Variants in LYST observed in about 807,000 individuals in gnomAD.
LYST encodes lysosomal trafficking regulator.
Under a neutral mutation model 413.6 loss-of-function variants are expected in LYST, and 192 were observed. The ratio of observed to expected loss-of-function variants is 0.46; its 90% CI spans 0.41 to 0.52. The LOEUF (loss-of-function observed/expected upper bound fraction) is 0.52. Among genes scored for constraint, LYST ranks in the 20% least tolerant of loss-of-function variants. The probability of loss-of-function intolerance (pLI) is 0.00; values close to 1 mark genes in which losing one functional copy is unlikely to be tolerated. For missense variants in LYST, 3,815 were observed against 4,499.9 expected, an observed-to-expected ratio of 0.85 and a Z score of 4.35; for synonymous variants, 1,525 against 1,567.3, an observed-to-expected ratio of 0.97 and a Z score of 0.64.
rs1384474107 is a variant in LYST, at chr1:235,664,199, G to C, written c.11196-144C>G. 6 of 737,320 alleles carry C rather than the reference G, an allele frequency of 8.1e-6. No homozygotes were observed. The highest frequency in any genetic ancestry group is 1.4e-5 in the Non-Finnish European group (6 of 426,754). The allele number at this position is 737,320 out of a possible 1,614,324, so 45.7% of individuals were successfully genotyped here. ...TAGTTCCCTCTAGGGAGTTTGCAGG[G>C]GGTAGATGTGGGAATAAGAGAACTT... is the stretch of plus-strand genomic sequence containing the variant. On this transcript the variant is annotated intron_variant, in intron 51 of 52. Coordinates refer to ENST00000389793, the MANE Select transcript of LYST (RefSeq NM_000081.4). This position sits in a 1 kb window ranked among gnomAD's most constrained non-coding sequence, Gnocchi z 4.5.
intron 39 of LYST, 58 bp downstream of exon 39, chr1:235,723,970 G>A: frequency 7.1e-7 from 1 of 1,399,926 alleles, no homozygotes; most frequent in Non-Finnish European, 1.0e-6. Context: ...TATGAGTATA[G>A]TTACAGTGGC....
rs2102859098 is a variant in LYST, at chr1:235,805,775, G to A, written c.3361C>T (p.Gln1121Ter). 1 of 1,613,304 alleles carries A rather than the reference G, an allele frequency of 6.2e-7. No individual in the cohort carries two copies. The highest frequency in any genetic ancestry group is 1.3e-5 in the African/African-American group (1 of 74,866). Residue 1121 changes from glutamine (Q) to a stop codon, truncating the protein, a stop_gained, in exon 6 of 53, where the codon CAA becomes TAA. Transcript: ENST00000389793. LOFTEE classifies it high-confidence loss of function. The part of the protein sequence containing the change: ...AICLHGARTS[Q>*]QKMELELPNQ... ...GGTAACTCCAATTCCATCTTCTGTT[G>A]ACTAGTTCTGGCACCATGAAGACAA...
rs368669708 is a variant in LYST at position 235,746,537 on chromosome 1, T to G, written c.7781-10A>C. On this transcript the variant is annotated splice_polypyrimidine_tract_variant and intron_variant, in intron 28 of 52. Transcript: ENST00000389793. ...GGAAATTTTCGAGGACCTTTAAAAG[T>G]ATATAAATTAAAACATCAAATCCCA... The G allele has an allele frequency of 6.3e-7, 1 of 1,598,072 alleles. No homozygotes were observed. Among genetic ancestry groups the G allele is most frequent in the Non-Finnish European group, 8.6e-7 (1 of 1,167,286 alleles).
Position 235,724,016 on chromosome 1 carries a change from G to T in LYST, c.9315+12C>A, listed in dbSNP as rs1010947586. On this transcript the variant is annotated intron_variant, in intron 39 of 52. Coordinates refer to ENST00000389793, the MANE Select transcript of LYST (RefSeq NM_000081.4). ...TTAAACAATATATATCAATTAATAA[G>T]GGTGAATTTACCTTGGTGTTATCAA... The T allele has an allele frequency of 6.2e-7, 1 of 1,609,170 alleles. No individual in the cohort carries two copies. The highest frequency in any genetic ancestry group is 1.7e-5 in the Admixed American group (1 of 60,004).
At chr1:235,705,030 T>C (rs1490138192) in intron 44 of LYST, among the ~76,000 whole-genome samples, 1 of 152,260 alleles carries the variant, frequency 6.6e-6, no homozygotes, top group Admixed American at 6.5e-5. Context: ...TTATTTGTGC[T>C]TAATTGTGTT....
At position 235,806,074 on chromosome 1, in the gene LYST, T is replaced by C. The variant is rs551792897; in HGVS notation, c.3062A>G (p.Asn1021Ser). Residue 1021 changes from asparagine to serine, a missense_variant, in exon 6 of 53, where the codon AAC becomes AGC. Asn to Ser is a conservative substitution (Grantham distance 46). This residue lies in a region of LYST where 1,648 missense variants were observed against 1,810.3 expected (regional missense o/e 0.91). Transcript: ENST00000389793. ...KKEGDTSVNE[N>S]QDLNRISQPK... ...TTGAGAAATTCTGTTTAAATCCTGG[T>C]TTTCATTTACACTTGTATCTCCCTC... 146 of 1,613,796 alleles carry C rather than the reference T, an allele frequency of 9.0e-5. 1 individual carries two copies. In the South Asian group the frequency reaches 1.6e-3, roughly 17 times the overall value.
At chr1:235,707,619 T>C (rs1025281958) in intron 44 of LYST, among the ~76,000 whole-genome samples, 2 of 152,092 alleles carry the variant, frequency 1.3e-5, no homozygotes, top group Non-Finnish European at 2.9e-5. Flanking sequence ...CAAGGCTCCA[T>C]CTCAAAAATA....
At position 235,746,361 on chromosome 1, in the gene LYST, T is replaced by G; in HGVS notation, c.7947A>C (p.Leu2649Phe). Reference sequence around the variant, plus strand: ...CTTGATAAATAATCCTGTTGACTGCTAAAACAGTGAGCCTCTGTAGTCTCT... The same window carrying G: ...CTTGATAAATAATCCTGTTGACTGCGAAAACAGTGAGCCTCTGTAGTCTCT... ...LAQRLQRLTV[L>F]AVNRIIYQEF... The change falls in exon 29 of 53, where the codon TTA becomes TTC. Residue 2649 changes from leucine to phenylalanine, a missense_variant. By Grantham distance (22) the Leu-to-Phe change is conservative. Around this residue, in one of 4 missense-constraint regions of LYST, gnomAD observed 771 missense variants for 837.1 expected, o/e 0.92. Coordinates refer to ENST00000389793, the MANE Select transcript of LYST (RefSeq NM_000081.4). The G allele has an allele frequency of 6.2e-7, 1 of 1,613,908 alleles. No individual in the cohort carries two copies.
intron 10 of LYST, among the ~76,000 whole-genome samples, chr1:235,797,615 G>A (rs1004039081): frequency 5.3e-5 from 8 of 151,960 alleles, no homozygotes; most frequent in South Asian, 2.1e-4. Context: ...ACCTAACACC[G>A]TATACAAAAT....
intron 31 of LYST, chr1:235,738,469 A>C: frequency 6.2e-7 from 1 of 1,612,518 alleles, no homozygotes; most frequent in Non-Finnish European, 8.5e-7. Context: ...CCCAAAAACC[A>C]TGTTATTGGA....
At chr1:235,839,108 A>G (rs538026960) in intron 1 of LYST, among the ~76,000 whole-genome samples, 2 of 152,244 alleles carry the variant, frequency 1.3e-5, no homozygotes, top group African/African-American at 2.4e-5. Flanking sequence ...TACAGGCGTG[A>G]GCCACTGCAC....
chr1:235,805,942 A>G lies in LYST; in HGVS notation c.3194T>C (p.Leu1065Ser). The G allele has an allele frequency of 6.2e-7, 1 of 1,613,928 alleles. No individual in the cohort carries two copies. Among genetic ancestry groups the G allele is most frequent in the Non-Finnish European group, 8.5e-7 (1 of 1,179,844 alleles). ...LKKSADSLGK[L>S]ELQHISSINV... ...TATGGAAGAAATATGCTGTAACTCT[A>G]ATTTACCTAAACTGTCAGCACTCTT... The change falls in exon 6 of 53, where the codon TTA becomes TCA. Residue 1065 changes from leucine to serine, a missense_variant. Leu to Ser is a moderately radical substitution (Grantham distance 145, BLOSUM62 -2). This residue lies in a region of LYST where 1,648 missense variants were observed against 1,810.3 expected (regional missense o/e 0.91). Coordinates refer to ENST00000389793, the MANE Select transcript of LYST (RefSeq NM_000081.4).
chr1:235,819,813 T>A (rs2102944330), intron 3 of LYST, among the ~76,000 whole-genome samples: 1 of 152,198 alleles, frequency 6.6e-6, no homozygotes, highest in East Asian at 1.9e-4. Flanking sequence ...GCCCAGCTAA[T>A]CTTTTCGTAA....
chr1:235,773,691 T>TTGTA, intron 19 of LYST, 151 bp downstream of exon 19: 1 of 662,018 alleles, frequency 1.5e-6, no homozygotes, highest in Non-Finnish European at 2.7e-6. Context: ...ACAAAAAAGA[T>TTGTA]TTACAGAGAT....
At chr1:235,724,264 A>G in intron 38 of LYST, 84 bp from the exon 39 acceptor site, 1 of 1,252,318 alleles carries the variant, frequency 8.0e-7, no homozygotes, top group East Asian at 2.5e-5. Context: ...AAAGCATCAA[A>G]ATAAAACAGA....
chr1:235,682,808 ATG>A (rs1659927650), intron 48 of LYST, among the ~76,000 whole-genome samples: 1 of 152,120 alleles, frequency 6.6e-6, no homozygotes, highest in African/African-American at 2.4e-5. Context: ...TTTTCCACAC[ATG>A]CTTTGTTTTT....
chr1:235,778,980 C>T (rs550673360), intron 16 of LYST, among the ~76,000 whole-genome samples: 1 of 152,074 alleles, frequency 6.6e-6, no homozygotes, highest in Admixed American at 6.5e-5. Context: ...GATTCTCCTG[C>T]CTCAGCCTCC....
intron 1 of LYST, among the ~76,000 whole-genome samples, chr1:235,849,013 A>G (rs763897830): frequency 2.0e-5 from 3 of 152,132 alleles, no homozygotes; most frequent in Non-Finnish European, 2.9e-5. Flanking sequence ...CTAATTCATT[A>G]TATGAAGCCA....
At chr1:235,739,029 A>G (rs1665087355) in intron 31 of LYST, 4 of 670,156 alleles carry the variant, frequency 6.0e-6, no homozygotes, top group Non-Finnish European at 1.1e-5. Context: ...CTAGGCTACA[A>G]TAGGATTTTA....
Sources: allele counts gnomAD v4.1 joint callset (sites outside exome capture counted in the v4.1 genomes callset), GRCh38; gene constraint gnomAD v4.1.1; regional missense constraint gnomAD v4.1.1; non-coding constraint Gnocchi (gnomAD v3.1); transcripts MANE v1.5; gene names NCBI Gene and HGNC (gene_info 2026-07-23, HGNC 2026-07-21).